AGBL1: variants seen among roughly 807,000 people sequenced by gnomAD.
AGBL1 encodes the protein cytosolic carboxypeptidase 4.
Under a neutral mutation model 118.9 loss-of-function variants are expected in AGBL1, and 130 were observed. That is an observed-to-expected ratio of 1.09 (90% confidence interval 0.95 to 1.26). The LOEUF (loss-of-function observed/expected upper bound fraction) is 1.26, where lower values mean the gene tolerates loss of function less well. Ranked by LOEUF, AGBL1 falls within the 50% of genes most tolerant of loss-of-function variation. The pLI, the probability that AGBL1 is intolerant of heterozygous loss-of-function variation, is 0.00. For synonymous variants in AGBL1, 555 were observed against 478.9 expected, an observed-to-expected ratio of 1.16 and a Z score of -2.08; for missense variants, 1,584 against 1,298.1, an observed-to-expected ratio of 1.22 and a Z score of -3.38.
chr15:86,694,232 G>T, intron 22 of AGBL1, among the ~76,000 whole-genome samples: 1 of 152,056 alleles, frequency 6.6e-6, no homozygotes, highest in Non-Finnish European at 1.5e-5. Flanking sequence ...CAGGAGCATG[G>T]GATGTGTTTC....
At chr15:86,780,824 C>T (rs2078326287) in intron 22 of AGBL1, among the ~76,000 whole-genome samples, 1 of 151,892 alleles carries the variant, frequency 6.6e-6, no homozygotes, top group African/African-American at 2.4e-5. Context: ...TGTGCCACCA[C>T]ACCTGGCTAA....
intron 18 of AGBL1, among the ~76,000 whole-genome samples, chr15:86,475,279 C>T (rs1250596664): frequency 6.6e-6 from 1 of 152,116 alleles, no homozygotes; most frequent in Non-Finnish European, 1.5e-5. Context: ...CTTCTCCAAG[C>T]TAAAGAAGGA....
At chr15:86,219,666 G>A (rs1054277851) in intron 5 of AGBL1, among the ~76,000 whole-genome samples, 14 of 151,986 alleles carry the variant, frequency 9.2e-5, no homozygotes, top group African/African-American at 2.9e-4. Flanking sequence ...ATCTAAACCC[G>A]CTTAAGCTGT....
chr15:86,633,151 A>G (rs1596323188), intron 21 of AGBL1, among the ~76,000 whole-genome samples: 1 of 152,210 alleles, frequency 6.6e-6, no homozygotes, highest in Non-Finnish European at 1.5e-5. Context: ...GAGAAAACAT[A>G]GATTATCTGA....
intron 18 of AGBL1, among the ~76,000 whole-genome samples, chr15:86,404,480 A>AT (rs2081495296): frequency 6.6e-6 from 1 of 152,098 alleles, no homozygotes. Flanking sequence ...TTTCCTTCCC[A>AT]TTTTGAACTC....
intron 1 of AGBL1, among the ~76,000 whole-genome samples, chr15:86,113,495 A>G (rs1199913104): frequency 6.6e-6 from 1 of 151,704 alleles, no homozygotes; most frequent in Non-Finnish European, 1.5e-5. Flanking sequence ...CATGTTGGCC[A>G]GGCTGGTCTC....
chr15:86,723,126 C>G (rs1052365320), intron 22 of AGBL1, among the ~76,000 whole-genome samples: 33 of 152,290 alleles, frequency 2.2e-4, no homozygotes, highest in Middle Eastern at 3.4e-3. Context: ...ACTAGAAATA[C>G]CATTTGACCC....
At chr15:86,161,258 GC>G (rs2077263675) in intron 5 of AGBL1, among the ~76,000 whole-genome samples, 1 of 152,142 alleles carries the variant, frequency 6.6e-6, no homozygotes, top group South Asian at 2.1e-4. Flanking sequence ...TAGGAAAGAG[GC>G]TTTTCCACCA....
At chr15:86,619,324 T>G (rs2084773327) in intron 21 of AGBL1, among the ~76,000 whole-genome samples, 1 of 152,220 alleles carries the variant, frequency 6.6e-6, no homozygotes, top group Non-Finnish European at 1.5e-5. Context: ...GATCACTTAC[T>G]AATGTGGAAG....
chr15:86,813,544 G>A (rs28711939), intron 22 of AGBL1, among the ~76,000 whole-genome samples: 1 of 152,070 alleles, frequency 6.6e-6, no homozygotes, highest in Admixed American at 6.6e-5. Context: ...TTCCAAAGAG[G>A]ATAGCACTGA....
At chr15:86,513,728 G>A (rs146690322) in intron 18 of AGBL1, among the ~76,000 whole-genome samples, 119 of 152,088 alleles carry the variant, frequency 7.8e-4, no homozygotes, top group East Asian at 1.4e-3. Flanking sequence ...CTAAAATTAA[G>A]AGCTATTCCT....
At chr15:86,949,399 A>G (rs1157178809) in intron 23 of AGBL1, among the ~76,000 whole-genome samples, 1 of 152,142 alleles carries the variant, frequency 6.6e-6, no homozygotes, top group Non-Finnish European at 1.5e-5. Flanking sequence ...CCTTCAGGGA[A>G]TTTTCAAACT....
At chr15:86,219,349 C>T (rs959034801) in intron 5 of AGBL1, among the ~76,000 whole-genome samples, 7 of 152,116 alleles carry the variant, frequency 4.6e-5, no homozygotes, top group African/African-American at 7.2e-5. Context: ...TTTGGACCAA[C>T]CTAATAATAT....
intron 22 of AGBL1, among the ~76,000 whole-genome samples, chr15:86,881,796 C>T (rs1010360739): frequency 6.6e-5 from 10 of 152,180 alleles, no homozygotes; most frequent in South Asian, 2.1e-4. Flanking sequence ...CCACCACGCC[C>T]GACTAATTTT....
At chr15:87,014,278 A>AAAAG (rs3030283) in intron 24 of AGBL1, among the ~76,000 whole-genome samples, 3 of 151,568 alleles carry the variant, frequency 2.0e-5, no homozygotes, top group African/African-American at 7.3e-5. Flanking sequence ...TAGCTAACGC[A>AAAAG]AAAGAAAGAG....
At chr15:86,433,010 G>A (rs936323748) in intron 18 of AGBL1, among the ~76,000 whole-genome samples, 2 of 152,134 alleles carry the variant, frequency 1.3e-5, no homozygotes, top group African/African-American at 4.8e-5. Flanking sequence ...CAGGACAAGC[G>A]TGCACATTCA....
intron 5 of AGBL1, among the ~76,000 whole-genome samples, chr15:86,206,656 G>T (rs1444729154): frequency 6.6e-6 from 1 of 152,164 alleles, no homozygotes; most frequent in Non-Finnish European, 1.5e-5. Context: ...TTTGTGATGG[G>T]ATTGTTTGAT....
chr15:86,610,046 C>A (rs1383015834), intron 21 of AGBL1, among the ~76,000 whole-genome samples: 2 of 152,206 alleles, frequency 1.3e-5, no homozygotes, highest in Non-Finnish European at 2.9e-5. Context: ...CCCCCATCTC[C>A]ACCAATGGAA....
chr15:86,239,811 G>C (rs1424578158), intron 6 of AGBL1, among the ~76,000 whole-genome samples: 1 of 152,116 alleles, frequency 6.6e-6, no homozygotes, highest in East Asian at 1.9e-4. Context: ...TCAAGAAGCT[G>C]GATTAGTGGT....
Sources: gnomAD v4.1 joint callset for allele counts (sites outside exome capture counted in the v4.1 genomes callset) on GRCh38, gnomAD v4.1.1 for gene constraint, MANE v1.5 for transcripts, NCBI Gene and HGNC (gene_info 2026-07-23, HGNC 2026-07-21) for gene names.